The following ZNF695 variants were observed in gnomAD, a reference collection of about 807,000 sequenced individuals.
ZNF695 encodes zinc finger protein SBZF3.
A neutral mutation model predicts 11.2 loss-of-function variants in ZNF695; 11 were observed. The ratio of observed to expected loss-of-function variants is 0.98; its 90% CI spans 0.62 to 1.62. The LOEUF is 1.62. Among genes scored for constraint, ZNF695 ranks in the 40% most tolerant of loss-of-function variants. The pLI, the probability that ZNF695 is intolerant of heterozygous loss-of-function variation, is 0.00. For missense variants in ZNF695, 559 were observed against 590.5 expected, an observed-to-expected ratio of 0.95 and a Z score of 0.55; for synonymous variants, 190 against 201.4, an observed-to-expected ratio of 0.94 and a Z score of 0.48.
rs745403663 is a variant in ZNF695, at chr1:246,987,890, CT to C, written c.624del (p.Glu209ArgfsTer159). The part of the protein sequence containing the change: ...IMTQQQRIHI[G>X]ENPYQCKKCG... ...CATTTTTTACATTGGTACGGGTTCT[CT>C]CCAATATGGATTCTCTGCTGTTGAG... On this transcript the variant is annotated frameshift_variant, in exon 4 of 4. Coordinates refer to ENST00000339986, the MANE Select transcript of ZNF695 (RefSeq NM_020394.5). LOFTEE classifies it low-confidence loss of function (END_TRUNC). 6.2e-7 allele frequency: 1 copy of C among 1,609,390 alleles called. No individual in the cohort carries two copies. Among genetic ancestry groups the C allele is most frequent in the African/African-American group, 1.3e-5 (1 of 74,770 alleles).
chr1:247,005,249 T>C (rs1366376781), intron 1 of ZNF695, among the ~76,000 whole-genome samples: 2 of 152,112 alleles, frequency 1.3e-5, no homozygotes, highest in South Asian at 2.1e-4. Context: ...CATAGCTCTA[T>C]GGAACAAAAT....
intron 5 of ZNF695, among the ~76,000 whole-genome samples, chr1:246,952,123 A>G (rs182817244): frequency 6.6e-4 from 101 of 151,956 alleles, no homozygotes; most frequent in Admixed American, 2.2e-3. Flanking sequence ...TAATTTTTGT[A>G]TTTTTAGTAG....
At chr1:246,965,698 C>A (rs72766588) in intron 5 of ZNF695, among the ~76,000 whole-genome samples, 2,711 of 151,928 alleles carry the variant, frequency 0.018, 36 homozygotes, top group Non-Finnish European at 0.028. Flanking sequence ...GATCGTTCCA[C>A]CGTACGACCA....
rs577901895 is a variant in ZNF695, at chr1:246,985,850, A to T, written c.*1117T>A. 2 of 985,444 alleles carry T rather than the reference A, an allele frequency of 2.0e-6. No individual in the cohort carries two copies. The highest frequency in any genetic ancestry group is 2.4e-6 in the Non-Finnish European group (2 of 829,922). 61.0% of individuals were successfully genotyped at this position (985,444 alleles called of 1,614,324 possible). On this transcript the variant is annotated 3_prime_UTR_variant, in exon 4 of 4. Coordinates refer to ENST00000339986, the MANE Select transcript of ZNF695 (RefSeq NM_020394.5). ...AATTTCTTCAGGAAGCTTACAATGCAATGTCCATAATCTTCCAAAGAAAAG... is the reference window on the plus strand; with the variant it reads ...AATTTCTTCAGGAAGCTTACAATGCTATGTCCATAATCTTCCAAAGAAAAG...
At chr1:246,948,350 A>C (rs1042532634) in intron 5 of ZNF695, among the ~76,000 whole-genome samples, 1 of 152,134 alleles carries the variant, frequency 6.6e-6, no homozygotes, top group African/African-American at 2.4e-5. Context: ...CTGGGATTAC[A>C]GGTGTGAGCC....
chr1:246,987,698 AT>A lies in ZNF695; in HGVS notation c.816del (p.Glu272AspfsTer96). On this transcript the variant is annotated frameshift_variant, in exon 4 of 4. Coordinates refer to ENST00000339986, the MANE Select transcript of ZNF695 (RefSeq NM_020394.5). LOFTEE classifies it low-confidence loss of function (END_TRUNC). ...HTEKKTYRCE[E>X]CGKAFNLCSV... ...GAGCACAGGTTAAAAGCTTTGCCACATTCTTCACATCTGTAGGTTTTCTTTT... is the reference window on the plus strand; with the variant it reads ...GAGCACAGGTTAAAAGCTTTGCCACATCTTCACATCTGTAGGTTTTCTTTT... The A allele has an allele frequency of 6.3e-7, 1 of 1,595,116 alleles. No individual in the cohort carries two copies. Among genetic ancestry groups the A allele is most frequent in the Non-Finnish European group, 8.5e-7 (1 of 1,172,986 alleles).
At chr1:246,989,567 A>AAGG (rs397763914) in intron 3 of ZNF695, among the ~76,000 whole-genome samples, 1 of 151,296 alleles carries the variant, frequency 6.6e-6, no homozygotes, top group Non-Finnish European at 1.5e-5. Context: ...AAGAAAGAAG[A>AAGG]CCACTAAACA....
At chr1:247,001,944 A>G (rs1669399214) in intron 1 of ZNF695, among the ~76,000 whole-genome samples, 1 of 152,110 alleles carries the variant, frequency 6.6e-6, no homozygotes, top group African/African-American at 2.4e-5. Context: ...CAAAGCAGAA[A>G]ACTAACAAAG....
chr1:246,946,983 T>C (rs1293037346), intron 5 of ZNF695, among the ~76,000 whole-genome samples: 1 of 151,720 alleles, frequency 6.6e-6, no homozygotes, highest in African/African-American at 2.4e-5. Flanking sequence ...CTACAAAAAA[T>C]ACAAAAATTA....
In ZNF695 at chr1:247,000,076, T is replaced by C. The variant is rs767577651; in HGVS notation, c.4-2A>G. ...CACATCCCTGAATGCCAATAGTCCCTGAAAAAGAAAACATATTTACCAAGT... is the reference window on the plus strand; with the variant it reads ...CACATCCCTGAATGCCAATAGTCCCCGAAAAAGAAAACATATTTACCAAGT... On this transcript the variant is annotated splice_acceptor_variant, in intron 1 of 3. Transcript: ENST00000339986. LOFTEE classifies it high-confidence loss of function. 1.9e-6 allele frequency: 3 copies of C among 1,597,932 alleles called. No individual in the cohort carries two copies. Among genetic ancestry groups the C allele is most frequent in the Non-Finnish European group, 1.7e-6 (2 of 1,175,074 alleles).
chr1:246,961,826 T>C (rs1668171042), intron 5 of ZNF695, among the ~76,000 whole-genome samples: 1 of 152,330 alleles, frequency 6.6e-6, no homozygotes, highest in East Asian at 1.9e-4. Context: ...CCTGTGATCA[T>C]TGACTTCAGT....
At chr1:246,950,410 G>C (rs1469816779) in intron 5 of ZNF695, among the ~76,000 whole-genome samples, 1 of 152,146 alleles carries the variant, frequency 6.6e-6, no homozygotes, top group Non-Finnish European at 1.5e-5. Context: ...AGCACTTTGG[G>C]AGGCCAAGGT....
chr1:246,963,841 G>A (rs1332058986), intron 5 of ZNF695, among the ~76,000 whole-genome samples: 4 of 152,124 alleles, frequency 2.6e-5, no homozygotes, highest in Non-Finnish European at 4.4e-5. Flanking sequence ...CACAGCTTAA[G>A]GACTTAGTCC....
chr1:246,981,887 G>A (rs1176683434), downstream of ZNF695, among the ~76,000 whole-genome samples: 4 of 152,196 alleles, frequency 2.6e-5, no homozygotes, highest in Non-Finnish European at 5.9e-5. Flanking sequence ...AGGTGATTAA[G>A]AATGAAGACT....
intron 5 of ZNF695, among the ~76,000 whole-genome samples, chr1:246,954,563 C>A (rs1291050085): frequency 1.3e-5 from 2 of 152,180 alleles, no homozygotes; most frequent in Admixed American, 6.5e-5. Flanking sequence ...ACACAAGATT[C>A]TGATTGTCTT....
chr1:246,992,038 C>T (rs1215999239), intron 3 of ZNF695, among the ~76,000 whole-genome samples: 1 of 152,080 alleles, frequency 6.6e-6, no homozygotes, highest in Non-Finnish European at 1.5e-5. Context: ...GTGGCGGGCA[C>T]CTGCAGTCGC....
intron 3 of ZNF695, among the ~76,000 whole-genome samples, chr1:246,991,013 T>C (rs1055842472): frequency 6.6e-6 from 1 of 151,616 alleles, no homozygotes; most frequent in Admixed American, 6.6e-5. Context: ...GAGGGAAAAC[T>C]TCAACTAAAC....
At chr1:246,949,450 G>C (rs1420919951) in intron 5 of ZNF695, among the ~76,000 whole-genome samples, 1 of 152,086 alleles carries the variant, frequency 6.6e-6, no homozygotes, top group Non-Finnish European at 1.5e-5. Context: ...AACTAGTCGG[G>C]CATGTTGGCA....
downstream of ZNF695, chr1:246,985,213 C>T (rs1330151269): frequency 1.2e-6 from 1 of 841,238 alleles, no homozygotes. Context: ...TCCATGTAAA[C>T]CAAAACTAAA....
Sources: gnomAD v4.1 joint callset for allele counts (sites outside exome capture counted in the v4.1 genomes callset) on GRCh38, gnomAD v4.1.1 for gene constraint, MANE v1.5 for transcripts, NCBI Gene and HGNC (gene_info 2026-07-23, HGNC 2026-07-21) for gene names.